Variants in RBFOX1 observed in about 807,000 individuals in gnomAD.
The protein encoded by RBFOX1 is RNA binding fox-1 homolog 1.
In RBFOX1, 8 loss-of-function variants were observed where a neutral mutation model predicts 57.7. That is an observed-to-expected ratio of 0.14 (90% CI 0.08 to 0.25). RBFOX1 has a LOEUF of 0.25. Ranked by LOEUF, RBFOX1 falls within the 10% of genes least tolerant of loss-of-function variation. RBFOX1 has a pLI of 1.00. For synonymous variants in RBFOX1, 326 were observed against 222.4 expected (o/e 1.47, Z -4.15); for missense variants, 611 against 548.5 (o/e 1.11, Z -1.14).
chr16:5,957,502 G>T (rs1348456579), intron 4 of RBFOX1, among the ~76,000 whole-genome samples: 3 of 152,190 alleles, frequency 2.0e-5, no homozygotes, highest in Non-Finnish European at 4.4e-5. Context: ...TGGGATTACA[G>T]GCATGAGTCG....
intron 2 of RBFOX1, among the ~76,000 whole-genome samples, chr16:6,532,302 C>G (rs1198510369): frequency 6.6e-6 from 1 of 152,122 alleles, no homozygotes. Flanking sequence ...AAGGAAGCAC[C>G]AACCAGTGAG....
intron 2 of RBFOX1, among the ~76,000 whole-genome samples, chr16:6,524,807 CT>C (rs1468194157): frequency 6.6e-6 from 1 of 152,142 alleles, no homozygotes; most frequent in African/African-American, 2.4e-5. Flanking sequence ...GCCCCACCTT[CT>C]TCCTCCATCA....
At chr16:6,414,265 C>T (rs1176855580) in intron 2 of RBFOX1, among the ~76,000 whole-genome samples, 1 of 152,178 alleles carries the variant, frequency 6.6e-6, no homozygotes, top group African/African-American at 2.4e-5. Context: ...AGTCAAGTCA[C>T]CTAATGTACT....
intron 14 of RBFOX1, among the ~76,000 whole-genome samples, chr16:7,698,889 C>G (rs1260626050): frequency 6.6e-6 from 1 of 152,272 alleles, no homozygotes; most frequent in South Asian, 2.1e-4. Context: ...TGTGTGCAAT[C>G]AATTTGTGAA....
chr16:5,831,269 T>A (rs538214335), intron 3 of RBFOX1, among the ~76,000 whole-genome samples: 1 of 151,696 alleles, frequency 6.6e-6, no homozygotes, highest in African/African-American at 2.4e-5. Context: ...GATGAGTGAG[T>A]GAGTTTTCCA....
chr16:7,219,188 C>G (rs974995864), intron 4 of RBFOX1, among the ~76,000 whole-genome samples: 3 of 152,146 alleles, frequency 2.0e-5, no homozygotes, highest in Non-Finnish European at 4.4e-5. Context: ...GTTTCATACA[C>G]ATTGACATAA....
At chr16:6,539,408 C>A (rs1396384438) in intron 2 of RBFOX1, among the ~76,000 whole-genome samples, 1 of 152,128 alleles carries the variant, frequency 6.6e-6, no homozygotes. Flanking sequence ...TCCACATCAA[C>A]GCTGGCTGTT....
intron 3 of RBFOX1, among the ~76,000 whole-genome samples, chr16:7,021,879 CTCTCTTTCTTTCTTTCT>C (rs746035205): frequency 0.098 from 14,475 of 148,412 alleles, 1,108 homozygotes; most frequent in East Asian, 0.26. Context: ...CCTTCTTTCT[CTCTCTTTCTTTCTTTCT>C]TTTCTTTCTT....
chr16:7,606,325 G>A (rs1300114723), intron 9 of RBFOX1, among the ~76,000 whole-genome samples: 1 of 151,728 alleles, frequency 6.6e-6, no homozygotes, highest in African/African-American at 2.4e-5. Flanking sequence ...GTTTCACTAT[G>A]TTGGCCAGGC....
intron 3 of RBFOX1, among the ~76,000 whole-genome samples, chr16:6,774,964 C>G (rs2079061259): frequency 6.6e-6 from 1 of 152,002 alleles, no homozygotes; most frequent in Admixed American, 6.6e-5. Context: ...ATCTCATCTC[C>G]TCTTTAAAAA....
chr16:7,304,727 G>C (rs1158693352), intron 4 of RBFOX1, among the ~76,000 whole-genome samples: 1 of 152,202 alleles, frequency 6.6e-6, no homozygotes, highest in Non-Finnish European at 1.5e-5. Context: ...GGCACCGGAA[G>C]TTTGAAATGG....
chr16:7,130,936 G>A (rs993165243), intron 4 of RBFOX1, among the ~76,000 whole-genome samples: 1 of 152,170 alleles, frequency 6.6e-6, no homozygotes, highest in Admixed American at 6.6e-5. Flanking sequence ...ATCAGTCCTG[G>A]ATAGAGAAGG....
intron 2 of RBFOX1, among the ~76,000 whole-genome samples, chr16:6,488,673 T>C (rs1403077470): frequency 6.6e-6 from 1 of 152,216 alleles, no homozygotes; most frequent in African/African-American, 2.4e-5. Context: ...TGTTTACACA[T>C]AATGGGTACT....
At chr16:5,955,357 A>T (rs1256400128) in intron 4 of RBFOX1, among the ~76,000 whole-genome samples, 90 of 20,622 alleles carry the variant, frequency 4.4e-3, no homozygotes, top group African/African-American at 0.022. Context: ...AAAATAAATA[A>T]AAATAAAATA....
chr16:5,944,047 A>G (rs2059338824), intron 4 of RBFOX1, among the ~76,000 whole-genome samples: 1 of 139,278 alleles, frequency 7.2e-6, no homozygotes, highest in South Asian at 2.1e-4. Flanking sequence ...GTTATCATCA[A>G]TCCATCCATC....
chr16:6,529,250 G>A (rs2096623191), intron 2 of RBFOX1, among the ~76,000 whole-genome samples: 1 of 152,034 alleles, frequency 6.6e-6, no homozygotes, highest in Non-Finnish European at 1.5e-5. Flanking sequence ...TTGACTGTAA[G>A]TTCTACTATG....
chr16:6,901,513 A>T (rs1047966764), intron 3 of RBFOX1, among the ~76,000 whole-genome samples: 1 of 152,152 alleles, frequency 6.6e-6, no homozygotes, highest in Non-Finnish European at 1.5e-5. Flanking sequence ...AATGACAGCA[A>T]GTTCATGTCT....
At chr16:7,230,680 A>T (rs748628793) in intron 4 of RBFOX1, among the ~76,000 whole-genome samples, 6 of 152,212 alleles carry the variant, frequency 3.9e-5, no homozygotes, top group Non-Finnish European at 8.8e-5. Flanking sequence ...TACTAAATAT[A>T]GAAGGGGAGA....
chr16:5,318,129 T>A lies in RBFOX1; in HGVS notation c.219+78024T>A, dbSNP rs530102283. Among the ~76,000 whole-genome samples, 209 of 152,204 alleles carry A rather than the reference T, an allele frequency of 1.4e-3. 1 individual carries two copies. The highest frequency in any genetic ancestry group is 4.7e-3 in the African/African-American group (194 of 41,510). Reference sequence around the variant, plus strand: ...AACAGGTTGTTTACACCTACTGTTTTTTTTTATTATTATTTTTAAGACAGT... The same window carrying A: ...AACAGGTTGTTTACACCTACTGTTTATTTTTATTATTATTTTTAAGACAGT... On this transcript the variant is annotated intron_variant, in intron 1 of 2. Transcript: ENST00000585867.
Sources: allele counts gnomAD v4.1 joint callset (sites outside exome capture counted in the v4.1 genomes callset), GRCh38; gene constraint gnomAD v4.1.1; transcripts MANE v1.5; gene names NCBI Gene and HGNC (gene_info 2026-07-23, HGNC 2026-07-21).